KCNMA1: variants seen among roughly 807,000 people sequenced by gnomAD.
KCNMA1 encodes the protein Calcium-activated potassium channel subunit alpha-1.
Under a neutral mutation model 140.0 loss-of-function variants are expected in KCNMA1, and 29 were observed. That is an observed-to-expected ratio of 0.21 (90% CI 0.15 to 0.28). The LOEUF is 0.28. Among genes scored for constraint, KCNMA1 ranks in the 10% least tolerant of loss-of-function variants. The pLI, the probability that KCNMA1 is intolerant of heterozygous loss-of-function variation, is 1.00. For missense variants in KCNMA1, 880 were observed against 1,602.2 expected (o/e 0.55, Z 7.70); for synonymous variants, 612 against 611.9 (o/e 1.00, Z 0.00).
chr10:77,415,948 G>A (rs1018286629), intron 1 of KCNMA1, among the ~76,000 whole-genome samples: 8 of 152,328 alleles, frequency 5.3e-5, no homozygotes, highest in East Asian at 1.9e-4. Context: ...TTAATGAAAT[G>A]ACAATGGTGG....
At chr10:77,458,146 C>T (rs1453262496) in intron 1 of KCNMA1, among the ~76,000 whole-genome samples, 1 of 152,222 alleles carries the variant, frequency 6.6e-6, no homozygotes, top group Non-Finnish European at 1.5e-5. Flanking sequence ...AACACACTGT[C>T]TGAATTCCAT....
chr10:77,228,006 C>G (rs1355949607), intron 3 of KCNMA1, among the ~76,000 whole-genome samples: 1 of 149,556 alleles, frequency 6.7e-6, no homozygotes, highest in African/African-American at 2.5e-5. Context: ...TTCTTGTCGC[C>G]CAGACTGGAG....
At chr10:77,185,906 T>C (rs1303809532) in intron 3 of KCNMA1, among the ~76,000 whole-genome samples, 1 of 151,540 alleles carries the variant, frequency 6.6e-6, no homozygotes, top group East Asian at 1.9e-4. Flanking sequence ...AACGTGAAGG[T>C]GAAGTGAGGT....
chr10:76,952,242 T>G (rs979288564), intron 21 of KCNMA1: 2 of 1,447,376 alleles, frequency 1.4e-6, no homozygotes, highest in African/African-American at 2.8e-5. Flanking sequence ...CATATATGGC[T>G]GGGTGCAGTG....
chr10:77,329,303 A>G (rs2085426847), intron 2 of KCNMA1, among the ~76,000 whole-genome samples: 1 of 152,226 alleles, frequency 6.6e-6, no homozygotes, highest in African/African-American at 2.4e-5. Context: ...CAAAATCCAT[A>G]TATTGAAATC....
chr10:77,128,393 A>ATTT (rs11298052), intron 5 of KCNMA1, among the ~76,000 whole-genome samples: 4 of 126,074 alleles, frequency 3.2e-5, no homozygotes, highest in South Asian at 2.7e-4. Flanking sequence ...CATATAGATA[A>ATTT]TTTTTTTTTT....
chr10:77,348,283 T>C (rs1000801756), intron 2 of KCNMA1, among the ~76,000 whole-genome samples: 1 of 152,212 alleles, frequency 6.6e-6, no homozygotes. Context: ...CTGAGTCATT[T>C]ACCCTAAATA....
chr10:77,114,833 C>G (rs768885222), intron 6 of KCNMA1, among the ~76,000 whole-genome samples: 2 of 152,214 alleles, frequency 1.3e-5, no homozygotes, highest in Non-Finnish European at 2.9e-5. Flanking sequence ...TCTTTTCTAG[C>G]TCTTGCATTT....
At chr10:76,957,375 G>T (rs959777096) in intron 20 of KCNMA1, among the ~76,000 whole-genome samples, 1 of 152,120 alleles carries the variant, frequency 6.6e-6, no homozygotes, top group Non-Finnish European at 1.5e-5. Flanking sequence ...GATGTGCAAT[G>T]ACAGTCAAGT....
chr10:77,325,463 T>C (rs1014732795), intron 2 of KCNMA1, among the ~76,000 whole-genome samples: 1 of 152,194 alleles, frequency 6.6e-6, no homozygotes, highest in African/African-American at 2.4e-5. Context: ...GGCTTTGGGC[T>C]ACAGCTTGGG....
intron 2 of KCNMA1, among the ~76,000 whole-genome samples, chr10:77,270,716 G>T (rs751435209): frequency 5.9e-4 from 89 of 151,074 alleles, no homozygotes; most frequent in Non-Finnish European, 1.1e-3. Flanking sequence ...TAGAGTTGGG[G>T]TTTCACTAAG....
At chr10:77,016,342 C>T (rs978730650) in intron 17 of KCNMA1, among the ~76,000 whole-genome samples, 4 of 152,122 alleles carry the variant, frequency 2.6e-5, no homozygotes, top group African/African-American at 9.7e-5. Flanking sequence ...GTAATTCTTT[C>T]CTGCCTAGAA....
intron 1 of KCNMA1, among the ~76,000 whole-genome samples, chr10:77,632,962 CATG>C (rs2093365596): frequency 6.6e-6 from 1 of 152,204 alleles, no homozygotes; most frequent in African/African-American, 2.4e-5. Flanking sequence ...ATGTGAGATC[CATG>C]ATTTGAACTT....
intron 1 of KCNMA1, among the ~76,000 whole-genome samples, chr10:77,411,952 C>T (rs950925789): frequency 6.6e-6 from 1 of 152,244 alleles, no homozygotes; most frequent in African/African-American, 2.4e-5. Context: ...CCTCGCCATG[C>T]GTATCCTTGG....
At chr10:76,928,669 T>C (rs372736045) in intron 23 of KCNMA1, among the ~76,000 whole-genome samples, 1 of 152,126 alleles carries the variant, frequency 6.6e-6, no homozygotes, top group African/African-American at 2.4e-5. Flanking sequence ...AAAGATAAAG[T>C]ATGGCCCTCT....
chr10:77,025,532 G>C, intron 16 of KCNMA1: 1 of 1,213,990 alleles, frequency 8.2e-7, no homozygotes, highest in Non-Finnish European at 1.2e-6. Context: ...AGGAAAGAAG[G>C]AATAAAACCT....
At chr10:76,887,536 T>C (rs1473382205) in intron 27 of KCNMA1, 21 bp from the exon 28 acceptor site, 1 of 1,614,064 alleles carries the variant, frequency 6.2e-7, no homozygotes, top group East Asian at 2.2e-5. Context: ...AAAGCAGAGA[T>C]GTCACCTCCT....
rs559068617 is a variant in KCNMA1, at chr10:77,171,390, T to G, written c.808+12031A>C. Among the ~76,000 whole-genome samples the G allele has an allele frequency of 3.4e-4, 40 of 119,036 alleles. No homozygotes were observed. The South Asian group carries it at 0.012, about 35-fold the overall frequency. 78.1% of individuals were successfully genotyped at this position (119,036 alleles called of 152,430 possible). On this transcript the variant is annotated intron_variant, in intron 5 of 27. Coordinates refer to ENST00000286628, the MANE Select transcript of KCNMA1 (RefSeq NM_001161352.2). ...AGATTTCGGAAAGTACGTGTGCGTGTGTGTGTGTGCGTGTGTGTGTGTGTG... is the reference window on the plus strand; with the variant it reads ...AGATTTCGGAAAGTACGTGTGCGTGGGTGTGTGTGCGTGTGTGTGTGTGTG...
At chr10:76,981,693 A>G (rs1006296387) in intron 19 of KCNMA1, among the ~76,000 whole-genome samples, 1 of 152,194 alleles carries the variant, frequency 6.6e-6, no homozygotes, top group Admixed American at 6.5e-5. Flanking sequence ...TGCCTCCTCC[A>G]GGGGGCCTTC....
Sources: gnomAD v4.1 joint callset for allele counts (sites outside exome capture counted in the v4.1 genomes callset) on GRCh38, gnomAD v4.1.1 for gene constraint, MANE v1.5 for transcripts, NCBI Gene and HGNC (gene_info 2026-07-23, HGNC 2026-07-21) for gene names.